The following SPAG6 variants were observed in gnomAD, a reference collection of about 807,000 sequenced individuals.
SPAG6 encodes sperm-associated antigen 6.
Under a neutral mutation model 58.5 loss-of-function variants are expected in SPAG6, and 49 were observed. That is an observed-to-expected ratio of 0.84 (90% CI 0.67 to 1.06). The LOEUF (loss-of-function observed/expected upper bound fraction) is 1.06. SPAG6 is among the 50% of genes least tolerant of loss of function. SPAG6 has a pLI of 0.00. For missense variants in SPAG6, 560 were observed against 611.3 expected (o/e 0.92, Z 0.89); for synonymous variants, 233 against 225.6 (o/e 1.03, Z -0.29).
intron 9 of SPAG6, among the ~76,000 whole-genome samples, chr10:22,407,524 C>T (rs1315502356): frequency 2.0e-5 from 3 of 152,178 alleles, no homozygotes; most frequent in South Asian, 4.2e-4. Context: ...GTCTGATGGG[C>T]TTCCCTTTGT....
chr10:22,345,814 C>G lies in SPAG6; in HGVS notation c.117C>G (p.Asn39Lys). The change falls in exon 2 of 11, where the codon AAC (asparagine) becomes AAG (lysine). Residue 39 changes from asparagine to lysine, a missense_variant. By Grantham distance (94) the Asn-to-Lys change is moderately conservative. Coordinates refer to ENST00000376624, the MANE Select transcript of SPAG6 (RefSeq NM_012443.4). This position sits in a 1 kb window ranked among gnomAD's most constrained non-coding sequence, Gnocchi z 6.3. ...CCCAAAACATCGAGACGCTGCAGAA[C>G]GCGGGTGAGCCCGGAGCCCGAACCC... ...TRPQNIETLQ[N>K]AGVMSLLRTL... 6.2e-7 allele frequency: 1 copy of G among 1,612,896 alleles called. No individual in the cohort carries two copies. The highest frequency in any genetic ancestry group is 1.1e-5 in the South Asian group (1 of 90,918).
chr10:22,398,474 C>A (rs368597159), intron 8 of SPAG6, among the ~76,000 whole-genome samples: 3 of 152,206 alleles, frequency 2.0e-5, no homozygotes, highest in Non-Finnish European at 4.4e-5. Context: ...TGCCTATAAT[C>A]CCAACACTTT....
At position 22,389,264 on chromosome 10, in the gene SPAG6, T is replaced by A; in HGVS notation, c.957T>A (p.Tyr319Ter). The A allele has an allele frequency of 6.2e-7, 1 of 1,612,842 alleles. No homozygotes were observed. The highest frequency in any genetic ancestry group is 8.5e-7 in the Non-Finnish European group (1 of 1,179,720). The change falls in exon 7 of 11, where the codon TAT becomes TAA. Residue 319 changes from tyrosine (Y) to a stop codon, truncating the protein, a stop_gained. Transcript: ENST00000376624. LOFTEE classifies it high-confidence loss of function. ...TGCCTGGCATCATGATGCTTGGTTA[T>A]GTAGCAGCTCATTCTGAGAACCTAG... ...TRLPGIMMLG[Y>*]VAAHSENLAM... is the part of the protein sequence containing the mutation.
chr10:22,386,724 C>T, intron 4 of SPAG6, 30 bp from the exon 5 acceptor site: 1 of 1,582,934 alleles, frequency 6.3e-7, no homozygotes, highest in Non-Finnish European at 8.7e-7. Context: ...GTCACCCATA[C>T]TCACTTAATT....
intron 9 of SPAG6, among the ~76,000 whole-genome samples, chr10:22,405,145 T>A (rs549073265): frequency 9.7e-4 from 147 of 152,246 alleles, no homozygotes; most frequent in Non-Finnish European, 1.9e-3. Flanking sequence ...TCCTGCCTAA[T>A]TGCCCTGGCC....
At chr10:22,392,469 G>A (rs538208111) in intron 8 of SPAG6, among the ~76,000 whole-genome samples, 1 of 151,810 alleles carries the variant, frequency 6.6e-6, no homozygotes, top group East Asian at 1.9e-4. Context: ...CAGATTTTCT[G>A]AAATATTACT....
chr10:22,350,124 T>C (rs1391207673), intron 2 of SPAG6, among the ~76,000 whole-genome samples: 1 of 152,004 alleles, frequency 6.6e-6, no homozygotes, highest in Non-Finnish European at 1.5e-5. Flanking sequence ...TTTTTTGGTA[T>C]AGAAGGAGTC....
intron 3 of SPAG6, among the ~76,000 whole-genome samples, chr10:22,366,642 CACTT>C (rs1218924949): frequency 6.6e-6 from 1 of 152,110 alleles, no homozygotes; most frequent in Admixed American, 6.6e-5. Context: ...ATGAGAGAGT[CACTT>C]ACTAATGCTT....
At chr10:22,352,385 T>TA (rs890755182) in intron 2 of SPAG6, among the ~76,000 whole-genome samples, 8 of 151,982 alleles carry the variant, frequency 5.3e-5, no homozygotes, top group South Asian at 2.1e-4. Flanking sequence ...ACCCTTTTTT[T>TA]AAAAAAAATT....
chr10:22,403,283 C>G lies in SPAG6; in HGVS notation c.1314+2006C>G, dbSNP rs113032219. 6.3e-3 allele frequency among the ~76,000 whole-genome samples: 955 copies of G among 152,286 alleles called. 10 individuals are homozygous for G. Among genetic ancestry groups the G allele is most frequent in the African/African-American group, 0.022 (909 of 41,568 alleles). On this transcript the variant is annotated intron_variant, in intron 9 of 10. Coordinates refer to ENST00000376624, the MANE Select transcript of SPAG6 (RefSeq NM_012443.4). ...ATATCTCCCAATGCTATCCCTCCCC[C>G]CAACCCCCATCCCACAACAGTCCCC...
intron 8 of SPAG6, among the ~76,000 whole-genome samples, chr10:22,395,871 T>G (rs1392551960): frequency 6.6e-6 from 1 of 152,228 alleles, no homozygotes; most frequent in African/African-American, 2.4e-5. Context: ...CAAAAATAAC[T>G]TTCTGAAAAG....
chr10:22,396,015 C>T (rs552007646), intron 8 of SPAG6, among the ~76,000 whole-genome samples: 1 of 152,236 alleles, frequency 6.6e-6, no homozygotes, highest in South Asian at 2.1e-4. Context: ...GCATGCTGTA[C>T]AGGAAGCATG....
intron 9 of SPAG6, among the ~76,000 whole-genome samples, chr10:22,403,964 C>G (rs1834482160): frequency 2.0e-5 from 3 of 150,746 alleles, no homozygotes; most frequent in African/African-American, 7.4e-5. Context: ...TGTCCTTCGC[C>G]CACTTTTTGA....
Position 22,417,484 on chromosome 10 carries a change from C to T in SPAG6, c.*796C>T, listed in dbSNP as rs1363248839. ...TCACTTTCCCAAGTTTCAAAAGTCA[C>T]ATTTTCAGGTATTTAAGGAATAGTT... On this transcript the variant is annotated 3_prime_UTR_variant, in exon 11 of 11. Transcript: ENST00000376624. The T allele has an allele frequency of 6.6e-6, 1 of 152,174 alleles. No homozygotes were observed. Among genetic ancestry groups the T allele is most frequent in the African/African-American group, 2.4e-5 (1 of 41,442 alleles). 9.4% of individuals were successfully genotyped at this position (152,174 alleles called of 1,614,324 possible).
chr10:22,378,724 T>A (rs1464889900), intron 4 of SPAG6, among the ~76,000 whole-genome samples: 1 of 152,162 alleles, frequency 6.6e-6, no homozygotes, highest in Non-Finnish European at 1.5e-5. Context: ...CCTATTGTTG[T>A]TCAAGGCTAT....
At chr10:22,346,430 G>GTTCTTCTTCCTCTTC in intron 2 of SPAG6, among the ~76,000 whole-genome samples, 1 of 96,002 alleles carries the variant, frequency 1.0e-5, no homozygotes, top group East Asian at 3.2e-4. Context: ...AGAGAAAATG[G>GTTCTTCTTCCTCTTC]TTCTTCTTCT....
chr10:22,401,388 T>G (rs1834411490), intron 9 of SPAG6, 111 bp downstream of exon 9: 1 of 668,634 alleles, frequency 1.5e-6, no homozygotes, highest in South Asian at 1.7e-5. Flanking sequence ...ATGGTTTTAC[T>G]GCTTAACTCT....
intron 4 of SPAG6, 136 bp downstream of exon 4, chr10:22,368,814 T>A: frequency 5.1e-6 from 3 of 592,506 alleles, no homozygotes; most frequent in Non-Finnish European, 8.4e-6. Context: ...AAGTACGTTT[T>A]GAATGATGGC....
chr10:22,378,208 T>C (rs1235120438), intron 4 of SPAG6, among the ~76,000 whole-genome samples: 2 of 151,730 alleles, frequency 1.3e-5, no homozygotes, highest in Non-Finnish European at 2.9e-5. Context: ...GGATTGCAGG[T>C]GCATGCCACC....
Sources: allele counts gnomAD v4.1 joint callset (sites outside exome capture counted in the v4.1 genomes callset), GRCh38; gene constraint gnomAD v4.1.1; non-coding constraint Gnocchi (gnomAD v3.1); transcripts MANE v1.5; gene names NCBI Gene and HGNC (gene_info 2026-07-23, HGNC 2026-07-21).